Variants in TG observed in about 807,000 individuals in gnomAD.
TG encodes the protein thyroglobulin, also known as thyroid hormones.
TG carries 270 observed loss-of-function variants against 324.7 expected under a neutral mutation model. That is an observed-to-expected ratio of 0.83 (90% CI 0.75 to 0.92). TG has a LOEUF of 0.92. TG is among the 40% of genes least tolerant of loss of function. TG has a pLI of 0.00. For synonymous variants in TG, 1,401 were observed against 1,327.0 expected (o/e 1.06, Z -1.21); for missense variants, 3,591 against 3,456.4 (o/e 1.04, Z -0.98).
chr8:132,969,688 T>G lies in TG; in HGVS notation c.5975+119T>G, dbSNP rs112361334. 3,112 of 763,718 alleles carry G rather than the reference T, an allele frequency of 4.1e-3. 82 individuals are homozygous for G. The African/African-American group carries it at 0.049, about 12-fold the overall frequency. The allele number at this position is 763,718 out of a possible 1,614,324, so 47.3% of individuals were successfully genotyped here. A position where few individuals can be genotyped will look rare whatever the true frequency, so the allele number is the denominator to read the frequency against. ...AGCACTTTGGGAGGCCGAGCTGGGCTGATCACGAGGTCAAGAGATCAAGAC... is the reference window on the plus strand; with the variant it reads ...AGCACTTTGGGAGGCCGAGCTGGGCGGATCACGAGGTCAAGAGATCAAGAC... On this transcript the variant is annotated intron_variant, in intron 32 of 47. Coordinates refer to ENST00000220616, the MANE Select transcript of TG (RefSeq NM_003235.5).
At chr8:132,911,870 C>T (rs1424490008) in intron 19 of TG, among the ~76,000 whole-genome samples, 5 of 152,184 alleles carry the variant, frequency 3.3e-5, no homozygotes, top group Non-Finnish European at 7.3e-5. Flanking sequence ...TATGTCTCGT[C>T]TGTTTCTAAT....
intron 43 of TG, among the ~76,000 whole-genome samples, chr8:133,105,212 A>G (rs1048500883): frequency 6.6e-6 from 1 of 152,182 alleles, no homozygotes; most frequent in Non-Finnish European, 1.5e-5. Flanking sequence ...AGCATTATCA[A>G]TGAGCAAAAA....
intron 39 of TG, among the ~76,000 whole-genome samples, chr8:133,020,468 CTTG>C (rs1479646752): frequency 6.6e-6 from 1 of 152,182 alleles, no homozygotes; most frequent in East Asian, 1.9e-4. Context: ...GGCCTTTTCC[CTTG>C]TTGGTGAGCT....
intron 8 of TG, among the ~76,000 whole-genome samples, chr8:132,885,949 T>C (rs1815351835): frequency 6.6e-6 from 1 of 152,240 alleles, no homozygotes; most frequent in Non-Finnish European, 1.5e-5. Context: ...TGTGCATCTT[T>C]GTTTATTTAC....
In TG at chr8:132,935,996, T is replaced by G. The variant is rs2250927; in HGVS notation, c.5041+132T>G. 0.55 allele frequency: 406,681 copies of G among 733,288 alleles called. 120,269 individuals carry two copies. Among genetic ancestry groups the G allele is most frequent in the Admixed American group, 0.63 (31,311 of 49,946 alleles). The allele number at this position is 733,288 out of a possible 1,614,324, so 45.4% of individuals were successfully genotyped here. ...CCCCACTCCACACCCTCAGTCTGGCTTCTCTGAGCTCCATCCTTTGGCAGA... is the reference window on the plus strand; with the variant it reads ...CCCCACTCCACACCCTCAGTCTGGCGTCTCTGAGCTCCATCCTTTGGCAGA... On this transcript the variant is annotated intron_variant, in intron 25 of 47. Coordinates refer to ENST00000220616, the MANE Select transcript of TG (RefSeq NM_003235.5).
rs1564145474 is a variant in TG at position 133,067,881 on chromosome 8, AG to A, written c.7240-27161del. On this transcript the variant is annotated intron_variant, in intron 41 of 47. Transcript: ENST00000220616. ...AAGAAAGAAAGAAAGGAAGGAAGGA[AG>A]GAAGTATGTATGGAAGGAAGGAAGG... 2.0e-3 allele frequency among the ~76,000 whole-genome samples: 46 copies of A among 22,834 alleles called. 1 individual carries two copies. Among genetic ancestry groups the A allele is most frequent in the Middle Eastern group, 0.034 (2 of 58 alleles). The allele number at this position is 22,834 out of a possible 152,430, so 15.0% of individuals were successfully genotyped here.
rs543169926 is a variant in TG at position 132,955,041 on chromosome 8, A to T, written c.5402-5967A>T. Among the ~76,000 whole-genome samples the T allele has an allele frequency of 4.6e-5, 7 of 152,232 alleles. No individual in the cohort carries two copies. In the East Asian group the frequency reaches 1.4e-3, roughly 29 times the overall value. On this transcript the variant is annotated intron_variant, in intron 27 of 47. Transcript: ENST00000220616. Reference sequence around the variant, plus strand: ...CTTGGTTCCCCTGAGGCTAGGCACCATCTGCTGGGAAGGACCCTGGGAGAC... The same window carrying T: ...CTTGGTTCCCCTGAGGCTAGGCACCTTCTGCTGGGAAGGACCCTGGGAGAC...
chr8:132,894,037 G>C (rs1302056953), intron 11 of TG, 108 bp downstream of exon 11: 2 of 1,563,918 alleles, frequency 1.3e-6, no homozygotes, highest in African/African-American at 2.7e-5. Context: ...GGCTTCCCCA[G>C]ACTGATGGGT....
At chr8:133,054,682 C>G (rs1389034422) in intron 41 of TG, among the ~76,000 whole-genome samples, 1 of 152,196 alleles carries the variant, frequency 6.6e-6, no homozygotes, top group Admixed American at 6.5e-5. Context: ...TAAAAATGAA[C>G]TCCACTTGGT....
intron 35 of TG, among the ~76,000 whole-genome samples, chr8:133,003,650 T>G (rs769228807): frequency 6.6e-6 from 1 of 152,204 alleles, no homozygotes; most frequent in Non-Finnish European, 1.5e-5. Flanking sequence ...TAGAAAGGAA[T>G]AGAAGTGCCT....
intron 45 of TG, among the ~76,000 whole-genome samples, chr8:133,120,636 G>A (rs775875526): frequency 1.6e-4 from 24 of 152,118 alleles, no homozygotes; most frequent in South Asian, 2.1e-4. Flanking sequence ...CTTCGTGCAC[G>A]TCAGTCTCTG....
At chr8:133,050,842 T>A in intron 41 of TG, 2 of 1,612,466 alleles carry the variant, frequency 1.2e-6, no homozygotes, top group East Asian at 4.5e-5. Context: ...GTTTCTCCCC[T>A]CGGCGGAATA....
At chr8:132,903,330 C>T (rs1043720386) in intron 16 of TG, among the ~76,000 whole-genome samples, 1 of 152,134 alleles carries the variant, frequency 6.6e-6, no homozygotes, top group Non-Finnish European at 1.5e-5. Context: ...ACGCCACCGG[C>T]CTTTGGGATT....
At chr8:132,947,520 G>A (rs902763329) in intron 26 of TG, among the ~76,000 whole-genome samples, 1 of 152,160 alleles carries the variant, frequency 6.6e-6, no homozygotes, top group African/African-American at 2.4e-5. Flanking sequence ...ACATCCATGA[G>A]TCACCTACTC....
chr8:133,073,163 G>A (rs1053060731), intron 41 of TG: 2 of 152,156 alleles, frequency 1.3e-5, no homozygotes, highest in African/African-American at 4.8e-5. Flanking sequence ...GAGTTCTTTG[G>A]TGGCCGACCC....
chr8:133,036,789 A>C (rs1368710856), intron 41 of TG: 1 of 152,672 alleles, frequency 6.5e-6, no homozygotes, highest in Non-Finnish European at 1.5e-5. Context: ...GATTTAGCAA[A>C]GTGTAATGCT....
chr8:132,964,190 C>T (rs947766653), intron 29 of TG, among the ~76,000 whole-genome samples: 15 of 152,026 alleles, frequency 9.9e-5, no homozygotes, highest in African/African-American at 3.6e-4. Flanking sequence ...TCATCACACA[C>T]TACTTTAGGG....
chr8:132,976,781 A>C (rs568066934), intron 34 of TG, among the ~76,000 whole-genome samples: 43 of 152,318 alleles, frequency 2.8e-4, no homozygotes, highest in Non-Finnish European at 5.0e-4. Flanking sequence ...ACTGGCTGTC[A>C]CAAGGTTGTG....
intron 27 of TG, among the ~76,000 whole-genome samples, chr8:132,952,431 T>C (rs1380621922): frequency 6.6e-6 from 1 of 152,138 alleles, no homozygotes; most frequent in Non-Finnish European, 1.5e-5. Flanking sequence ...GATTACTGAG[T>C]GAAGTGCTGG....
Sources: gnomAD v4.1 joint callset for allele counts (sites outside exome capture counted in the v4.1 genomes callset) on GRCh38, gnomAD v4.1.1 for gene constraint, MANE v1.5 for transcripts, NCBI Gene and HGNC (gene_info 2026-07-23, HGNC 2026-07-21) for gene names.